SMAD4: variants seen among roughly 807,000 people sequenced by gnomAD.
SMAD4 encodes the protein SMAD family member 4.
In SMAD4, 7 loss-of-function variants were observed where a neutral mutation model predicts 63.2. The ratio of observed to expected loss-of-function variants is 0.11; its 90% CI spans 0.06 to 0.21. SMAD4 has a LOEUF of 0.21. Among genes scored for constraint, SMAD4 ranks in the 10% least tolerant of loss-of-function variants. The pLI, the probability that SMAD4 is intolerant of heterozygous loss-of-function variation, is 1.00. For missense variants in SMAD4, 312 were observed against 693.8 expected, an observed-to-expected ratio of 0.45 and a Z score of 6.18; for synonymous variants, 215 against 235.4, an observed-to-expected ratio of 0.91 and a Z score of 0.79.
intron 8 of SMAD4, among the ~76,000 whole-genome samples, chr18:51,062,445 C>T (rs1910038165): frequency 6.6e-6 from 1 of 152,080 alleles, no homozygotes. Context: ...GAGGTAGCTA[C>T]TGTCCTGCTT....
chr18:51,067,264 G>C, intron 10 of SMAD4, 77 bp downstream of exon 10: 1 of 801,438 alleles, frequency 1.2e-6, no homozygotes. Flanking sequence ...CTGGGTGGAA[G>C]GAATGGAAAA....
chr18:51,074,244 G>A (rs188913984), intron 10 of SMAD4, among the ~76,000 whole-genome samples: 59 of 151,566 alleles, frequency 3.9e-4, no homozygotes, highest in African/African-American at 1.2e-3. Flanking sequence ...AGCCAGGCAT[G>A]GTGGCATGTG....
intron 8 of SMAD4, among the ~76,000 whole-genome samples, chr18:51,063,337 C>T (rs1034751688): frequency 1.3e-5 from 2 of 152,032 alleles, no homozygotes; most frequent in African/African-American, 4.8e-5. Flanking sequence ...GTGTACCTAT[C>T]AGTTGTTTGC....
chr18:51,066,489 T>C (rs546539265), intron 9 of SMAD4, among the ~76,000 whole-genome samples: 1 of 152,364 alleles, frequency 6.6e-6, no homozygotes, highest in South Asian at 2.1e-4. Context: ...TATCACTTGC[T>C]GTCATGTGAC....
chr18:51,049,035 T>C (rs1192206186), intron 3 of SMAD4, among the ~76,000 whole-genome samples, 175 bp downstream of exon 3: 8 of 152,236 alleles, frequency 5.3e-5, no homozygotes, highest in South Asian at 2.1e-4. Flanking sequence ...AACAAACTTA[T>C]ATTTTGACTG....
intron 8 of SMAD4, among the ~76,000 whole-genome samples, chr18:51,061,947 C>T (rs1184219913): frequency 2.0e-5 from 3 of 151,976 alleles, no homozygotes; most frequent in Admixed American, 6.6e-5. Context: ...TATAACTTTT[C>T]TCATATTTTA....
chr18:51,031,737 C>CA (rs373402789), intron 1 of SMAD4, among the ~76,000 whole-genome samples: 7,871 of 134,440 alleles, frequency 0.059, 331 homozygotes, highest in African/African-American at 0.12. Context: ...CATTTAGTAT[C>CA]AAAAAAAAAA....
intron 10 of SMAD4, among the ~76,000 whole-genome samples, chr18:51,067,599 G>A: frequency 6.6e-6 from 1 of 152,032 alleles, no homozygotes; most frequent in Non-Finnish European, 1.5e-5. Context: ...TTTTAGTAGA[G>A]ACGGGGTTTC....
chr18:51,036,123 ACCACCACG>A (rs1462053072), intron 1 of SMAD4, among the ~76,000 whole-genome samples: 2 of 151,964 alleles, frequency 1.3e-5, no homozygotes, highest in African/African-American at 4.8e-5. Context: ...ACAGGCCGGC[ACCACCACG>A]CCTGGCTGAT....
In SMAD4 at chr18:51,067,016, A is replaced by C. The variant is rs956212866; in HGVS notation, c.1140-3A>C. The C allele has an allele frequency of 2.5e-6, 4 of 1,610,158 alleles. No homozygotes were observed. The highest frequency in any genetic ancestry group is 3.4e-6 in the Non-Finnish European group (4 of 1,176,466). Reference sequence around the variant, plus strand: ...AAAATGTAATTTCTTTTTTCTTCCTAAGGTTGCACATAGGCAAAGGTGTGC... The same window carrying C: ...AAAATGTAATTTCTTTTTTCTTCCTCAGGTTGCACATAGGCAAAGGTGTGC... On this transcript the variant is annotated splice_region_variant and splice_polypyrimidine_tract_variant and intron_variant, in intron 9 of 11. Transcript: ENST00000342988.
chr18:51,084,007 C>T lies in SMAD4; in HGVS notation c.*5540C>T, dbSNP rs1195199953. ...AACACTTAACGCGCGTGCGCACGCG[C>T]GCGCGCACACACACACACACACACA... On this transcript the variant is annotated 3_prime_UTR_variant, in exon 12 of 12. Transcript: ENST00000342988. 2 of 70,338 alleles carry T rather than the reference C, an allele frequency of 2.8e-5. No individual in the cohort carries two copies. The highest frequency in any genetic ancestry group is 4.7e-5 in the African/African-American group (1 of 21,482). The allele number at this position is 70,338 out of a possible 1,614,324, so 4.4% of individuals were successfully genotyped here.
At chr18:51,035,411 T>A (rs1909175349) in intron 1 of SMAD4, among the ~76,000 whole-genome samples, 1 of 152,144 alleles carries the variant, frequency 6.6e-6, no homozygotes, top group Non-Finnish European at 1.5e-5. Context: ...GTCTGGTGGC[T>A]CACATCTATA....
intron 10 of SMAD4, among the ~76,000 whole-genome samples, chr18:51,072,425 G>A (rs900901896): frequency 1.3e-5 from 2 of 152,156 alleles, no homozygotes; most frequent in African/African-American, 2.4e-5. Flanking sequence ...GGTGGACTAG[G>A]TCAGAGGGTA....
intron 11 of SMAD4, 140 bp downstream of exon 11, chr18:51,076,916 A>G: frequency 1.6e-6 from 1 of 638,528 alleles, no homozygotes; most frequent in African/African-American, 1.8e-5. Flanking sequence ...TGAATTGGTA[A>G]AATCTGTTCT....
chr18:51,073,909 A>G (rs1406962936), intron 10 of SMAD4, among the ~76,000 whole-genome samples: 2 of 152,302 alleles, frequency 1.3e-5, no homozygotes, highest in African/African-American at 2.4e-5. Flanking sequence ...GCCTGACTTC[A>G]TTGAAATGAA....
intron 8 of SMAD4, 91 bp from the exon 9 acceptor site, chr18:51,065,332 T>G (rs1599195223): frequency 9.2e-7 from 1 of 1,086,544 alleles, no homozygotes; most frequent in Middle Eastern, 2.6e-4. Context: ...CCCTTTACCC[T>G]TTCTTTTAGG....
chr18:51,068,392 T>C (rs533484801), intron 10 of SMAD4, among the ~76,000 whole-genome samples: 2 of 152,252 alleles, frequency 1.3e-5, no homozygotes, highest in African/African-American at 4.8e-5. Flanking sequence ...ACTCATAAAA[T>C]ATTTCTGTGT....
intron 1 of SMAD4, among the ~76,000 whole-genome samples, chr18:51,040,979 TCCC>T (rs911555660): frequency 2.0e-4 from 30 of 152,258 alleles, no homozygotes; most frequent in African/African-American, 7.0e-4. Context: ...CTTTTATTTG[TCCC>T]CCCTTTTTCA....
At chr18:51,032,658 C>T (rs1385340867) in intron 1 of SMAD4, among the ~76,000 whole-genome samples, 1 of 152,172 alleles carries the variant, frequency 6.6e-6, no homozygotes, top group Non-Finnish European at 1.5e-5. Flanking sequence ...CCCAGTCACA[C>T]TCCAGCTCTC....
Sources: allele counts gnomAD v4.1 joint callset (sites outside exome capture counted in the v4.1 genomes callset), GRCh38; gene constraint gnomAD v4.1.1; transcripts MANE v1.5; gene names NCBI Gene and HGNC (gene_info 2026-07-23, HGNC 2026-07-21).